ARHGAP15: variants seen among roughly 807,000 people sequenced by gnomAD.
ARHGAP15 encodes the protein rho GTPase-activating protein 15.
Under a neutral mutation model 63.7 loss-of-function variants are expected in ARHGAP15, and 51 were observed. That is an observed-to-expected ratio of 0.80 (90% confidence interval 0.64 to 1.01). The LOEUF is 1.01. Ranked by LOEUF, ARHGAP15 falls within the 50% of genes least tolerant of loss-of-function variation. The probability of loss-of-function intolerance (pLI) is 0.00; values close to 1 mark genes in which losing one functional copy is unlikely to be tolerated. For synonymous variants in ARHGAP15, 191 were observed against 193.8 expected (o/e 0.99, Z 0.12); for missense variants, 560 against 564.6 (o/e 0.99, Z 0.08).
At position 143,667,268 on chromosome 2, in the gene ARHGAP15, T is replaced by C. The variant is rs1682255904; in HGVS notation, c.1139-36151T>C. ...AAAAATGATGAGTTCATGTGGTTTG[T>C]AGGGACATGGATGAAATTGGAAATC... On this transcript the variant is annotated intron_variant, in intron 12 of 13. Transcript: ENST00000295095. Among the ~76,000 whole-genome samples the C allele has an allele frequency of 4.7e-5, 7 of 150,022 alleles. No individual in the cohort carries two copies. The South Asian group carries it at 1.5e-3, about 33-fold the overall frequency.
intron 12 of ARHGAP15, among the ~76,000 whole-genome samples, chr2:143,656,813 G>T (rs1198451771): frequency 1.3e-5 from 2 of 152,150 alleles, no homozygotes; most frequent in Non-Finnish European, 2.9e-5. Flanking sequence ...CAGAGAAAGA[G>T]TACTCCTCCT....
chr2:143,636,482 G>C (rs892934309), intron 12 of ARHGAP15, among the ~76,000 whole-genome samples: 3 of 152,148 alleles, frequency 2.0e-5, no homozygotes, highest in African/African-American at 7.2e-5. Flanking sequence ...GCTCCTGTCT[G>C]TAAGCTTGGA....
At chr2:143,355,958 G>A (rs1487400088) in intron 6 of ARHGAP15, among the ~76,000 whole-genome samples, 1 of 151,874 alleles carries the variant, frequency 6.6e-6, no homozygotes, top group Non-Finnish European at 1.5e-5. Context: ...TCCCCTTTAA[G>A]CTATGCCATT....
intron 6 of ARHGAP15, among the ~76,000 whole-genome samples, chr2:143,400,509 A>C (rs1046797960): frequency 1.3e-5 from 2 of 152,012 alleles, no homozygotes; most frequent in Non-Finnish European, 2.9e-5. Flanking sequence ...CACCTGGTGA[A>C]TTATGAGCTA....
chr2:143,346,182 T>TCA (rs1182995553), intron 6 of ARHGAP15, among the ~76,000 whole-genome samples: 87 of 127,752 alleles, frequency 6.8e-4, no homozygotes, highest in Non-Finnish European at 1.0e-3. Context: ...ACTCTCTCTC[T>TCA]CACACACACA....
At chr2:143,271,003 TTC>T (rs1352733016) in intron 6 of ARHGAP15, among the ~76,000 whole-genome samples, 4 of 152,238 alleles carry the variant, frequency 2.6e-5, no homozygotes, top group African/African-American at 9.6e-5. Context: ...AATTCACACT[TTC>T]TGTCCAATAG....
intron 9 of ARHGAP15, among the ~76,000 whole-genome samples, chr2:143,493,933 C>T (rs1180704614): frequency 6.6e-6 from 1 of 152,210 alleles, no homozygotes; most frequent in Non-Finnish European, 1.5e-5. Flanking sequence ...CACTGAGTTG[C>T]AGATTCCGCT....
At chr2:143,514,919 C>A (rs1693743564) in intron 9 of ARHGAP15, among the ~76,000 whole-genome samples, 1 of 152,116 alleles carries the variant, frequency 6.6e-6, no homozygotes, top group Non-Finnish European at 1.5e-5. Context: ...TTTCCACTCA[C>A]ATCATTCCAA....
intron 2 of ARHGAP15, among the ~76,000 whole-genome samples, chr2:143,189,515 T>C (rs890802028): frequency 6.9e-6 from 1 of 144,852 alleles, no homozygotes; most frequent in African/African-American, 2.6e-5. Flanking sequence ...TTTTTTTTTT[T>C]TGGGAGACAG....
At chr2:143,500,830 T>C (rs530905521) in intron 9 of ARHGAP15, among the ~76,000 whole-genome samples, 61 of 152,300 alleles carry the variant, frequency 4.0e-4, no homozygotes, top group African/African-American at 1.5e-3. Flanking sequence ...TTTAGATATG[T>C]AGAGCAAAAG....
chr2:143,255,570 A>T (rs930416336), intron 6 of ARHGAP15, among the ~76,000 whole-genome samples: 1 of 152,148 alleles, frequency 6.6e-6, no homozygotes, highest in Non-Finnish European at 1.5e-5. Flanking sequence ...AAAATGTTTA[A>T]GTACTACTTA....
At chr2:143,758,712 G>A (rs925305255) in intron 13 of ARHGAP15, among the ~76,000 whole-genome samples, 15 of 152,028 alleles carry the variant, frequency 9.9e-5, no homozygotes, top group Admixed American at 4.6e-4. Context: ...AGGACTAATA[G>A]GCCCTCCCAC....
intron 6 of ARHGAP15, among the ~76,000 whole-genome samples, chr2:143,402,310 C>T (rs1688017189): frequency 6.6e-6 from 1 of 151,826 alleles, no homozygotes; most frequent in South Asian, 2.1e-4. Flanking sequence ...CTGACTTATT[C>T]AGTCAGGCCA....
intron 9 of ARHGAP15, among the ~76,000 whole-genome samples, chr2:143,510,018 T>TAAAAAAAAAAAAAAA (rs35469918): frequency 6.1e-5 from 3 of 48,826 alleles, no homozygotes; most frequent in African/African-American, 7.8e-5. Flanking sequence ...GACTCCCTCT[T>TAAAAAAAAAAAAAAA]AAAAAAAAAA....
intron 12 of ARHGAP15, among the ~76,000 whole-genome samples, chr2:143,629,102 TTTATTA>T (rs1698959998): frequency 6.6e-6 from 1 of 152,116 alleles, no homozygotes. Context: ...TACTTTAATT[TTTATTA>T]TATGTTTGAA....
intron 12 of ARHGAP15, among the ~76,000 whole-genome samples, chr2:143,637,954 C>T (rs1454360513): frequency 1.3e-5 from 2 of 151,788 alleles, no homozygotes; most frequent in Non-Finnish European, 2.9e-5. Context: ...CAATGAGATA[C>T]CATCTCACAC....
intron 10 of ARHGAP15, among the ~76,000 whole-genome samples, chr2:143,545,020 A>G (rs1295427159): frequency 2.6e-5 from 4 of 152,354 alleles, no homozygotes; most frequent in East Asian, 1.9e-4. Flanking sequence ...TAGTGACACT[A>G]TAATTTCTCA....
intron 8 of ARHGAP15, among the ~76,000 whole-genome samples, chr2:143,473,716 G>C (rs567377082): frequency 6.6e-6 from 1 of 152,144 alleles, no homozygotes; most frequent in Non-Finnish European, 1.5e-5. Flanking sequence ...CCATATTTTA[G>C]AAATAAATCC....
intron 6 of ARHGAP15, among the ~76,000 whole-genome samples, chr2:143,255,592 G>A (rs1444871435): frequency 6.6e-6 from 1 of 151,396 alleles, no homozygotes; most frequent in Non-Finnish European, 1.5e-5. Flanking sequence ...GTTTATTAAT[G>A]TGAAGATAAT....
Sources: allele counts gnomAD v4.1 joint callset (sites outside exome capture counted in the v4.1 genomes callset), GRCh38; gene constraint gnomAD v4.1.1; transcripts MANE v1.5; gene names NCBI Gene and HGNC (gene_info 2026-07-23, HGNC 2026-07-21).